SLC22A4: variants seen among roughly 807,000 people sequenced by gnomAD.
SLC22A4 encodes ET transporter.
A neutral mutation model predicts 56.6 loss-of-function variants in SLC22A4; 39 were observed. That is an observed-to-expected ratio of 0.69 (90% CI 0.53 to 0.90). The LOEUF is 0.90. SLC22A4 is among the 40% of genes least tolerant of loss of function. SLC22A4 has a pLI of 0.00. For missense variants in SLC22A4, 594 were observed against 696.5 expected (o/e 0.85, Z 1.66); for synonymous variants, 241 against 281.4 (o/e 0.86, Z 1.44).
Position 132,303,752 on chromosome 5 carries a change from G to A in SLC22A4, c.394-8409G>A, listed in dbSNP as rs114915804. On this transcript the variant is annotated intron_variant, in intron 1 of 9. Transcript: ENST00000200652. ...TGCCCTTATCCCAGCTCATTCATAC[G>A]GCAGAGATTCCACACCAAGCTCCCA... is the stretch of plus-strand genomic sequence containing the variant. Among the ~76,000 whole-genome samples the A allele has an allele frequency of 8.6e-3, 1,306 of 152,206 alleles. 14 individuals carry two copies. Among genetic ancestry groups the A allele is most frequent in the African/African-American group, 0.03 (1,231 of 41,500 alleles).
At chr5:132,312,391 T>C (rs1750207808) in intron 2 of SLC22A4, 127 bp downstream of exon 2, 1 of 726,850 alleles carries the variant, frequency 1.4e-6, no homozygotes, top group South Asian at 1.5e-5. Flanking sequence ...ACTGATTCAG[T>C]GATAGGAGGA....
At chr5:132,340,075 T>G (rs956429535) in intron 8 of SLC22A4, among the ~76,000 whole-genome samples, 2 of 147,638 alleles carry the variant, frequency 1.4e-5, no homozygotes, top group South Asian at 2.2e-4. Flanking sequence ...TTTTTTTTTT[T>G]TTTTTTTTTT....
chr5:132,326,935 T>C (rs989013213), intron 4 of SLC22A4, among the ~76,000 whole-genome samples: 5 of 152,232 alleles, frequency 3.3e-5, no homozygotes, highest in African/African-American at 4.8e-5. Context: ...GGGGAACTTA[T>C]AGTCTAGTAG....
At position 132,334,869 on chromosome 5, in the gene SLC22A4, A is replaced by G. The variant is rs1333758833; in HGVS notation, c.1198A>G (p.Ile400Val). 1 of 1,613,994 alleles carries G rather than the reference A, an allele frequency of 6.2e-7. No homozygotes were observed. The highest frequency in any genetic ancestry group is 8.5e-7 in the Non-Finnish European group (1 of 1,179,856). Residue 400 changes from isoleucine to valine, a missense_variant, in exon 7 of 10, where the codon ATC (isoleucine) becomes GTC (valine). By Grantham distance (29) the Ile-to-Val change is conservative. Transcript: ENST00000200652. ...LLLRTLPRRY[I>V]IAAVLFWGGG... is the part of the protein sequence containing the mutation. ...ATTGCGAACCCTGCCCAGGCGTTAT[A>G]TCATAGCTGCAGTACTGTTCTGGGG...
Position 132,331,769 on chromosome 5 carries a change from T to G in SLC22A4, c.965T>G (p.Leu322Arg), listed in dbSNP as rs72552719. 6.2e-7 allele frequency: 1 copy of G among 1,613,188 alleles called. No individual in the cohort carries two copies. Among genetic ancestry groups the G allele is most frequent in the East Asian group, 2.2e-5 (1 of 44,874 alleles). ...IFDSVEELNP[L>R]KQQKAFILDL... ...TTTTGGTTACAGGAGCTAAATCCCCTGAAGCAGCAGAAAGCTTTCATTCTG... is the reference window on the plus strand; with the variant it reads ...TTTTGGTTACAGGAGCTAAATCCCCGGAAGCAGCAGAAAGCTTTCATTCTG... The change falls in exon 6 of 10, where the codon CTG becomes CGG. Residue 322 changes from leucine to arginine, a missense_variant. Physicochemically the swap from Leu to Arg is moderately radical, Grantham distance 102. Coordinates refer to ENST00000200652, the MANE Select transcript of SLC22A4 (RefSeq NM_003059.3).
intron 4 of SLC22A4, among the ~76,000 whole-genome samples, chr5:132,323,437 C>A (rs1750600071): frequency 6.6e-6 from 1 of 152,178 alleles, no homozygotes; most frequent in Admixed American, 6.6e-5. Context: ...ACTCTAAGCC[C>A]CTGTATTCTC....
rs1749764227 is a variant in SLC22A4, at chr5:132,295,693, G to C, written c.393+684G>C. On this transcript the variant is annotated intron_variant, in intron 1 of 9. Transcript: ENST00000200652. ...TAGTGGCAGGTTTTCTAAGTTCCAGGAATGAGGATGCACACACACTTCTCC... is the reference window on the plus strand; with the variant it reads ...TAGTGGCAGGTTTTCTAAGTTCCAGCAATGAGGATGCACACACACTTCTCC... The C allele has an allele frequency of 2.0e-5, 4 of 197,044 alleles. No individual in the cohort carries two copies. The South Asian group carries it at 3.3e-4, about 16-fold the overall frequency. The allele number at this position is 197,044 out of a possible 1,614,324, so 12.2% of individuals were successfully genotyped here.
intron 1 of SLC22A4, among the ~76,000 whole-genome samples, chr5:132,302,813 C>G (rs1361492866): frequency 6.6e-6 from 1 of 152,194 alleles, no homozygotes; most frequent in African/African-American, 2.4e-5. Flanking sequence ...CACTCCCATC[C>G]CTATCTTCCC....
At position 132,313,639 on chromosome 5, in the gene SLC22A4, G is replaced by T. The variant is rs144031153; in HGVS notation, c.523G>T (p.Ala175Ser). The change falls in exon 3 of 10, where the codon GCA becomes TCA. Residue 175 changes from alanine to serine, a missense_variant. By Grantham distance (99) the Ala-to-Ser change is moderately conservative. Coordinates refer to ENST00000200652, the MANE Select transcript of SLC22A4 (RefSeq NM_003059.3). The part of the protein sequence containing the change: ...DRFGRKNVLF[A>S]TMAVQTGFSF... ...GTTTGGCAGGAAGAACGTTCTCTTC[G>T]CAACCATGGCTGTACAGACTGGCTT... 7 of 1,614,194 alleles carry T rather than the reference G, an allele frequency of 4.3e-6. No homozygotes were observed. Among genetic ancestry groups the T allele is most frequent in the East Asian group, 2.2e-5 (1 of 44,890 alleles).
At chr5:132,306,665 T>C (rs2126705403) in intron 1 of SLC22A4, among the ~76,000 whole-genome samples, 1 of 151,622 alleles carries the variant, frequency 6.6e-6, no homozygotes, top group Non-Finnish European at 1.5e-5. Context: ...AGGCTGGTCT[T>C]GAACTCCTGA....
At chr5:132,340,840 G>A (rs1338374380) in intron 9 of SLC22A4, 140 bp downstream of exon 9, 16 of 920,754 alleles carry the variant, frequency 1.7e-5, no homozygotes, top group African/African-American at 1.5e-4. Context: ...TGTTGGCTGG[G>A]CACAGTGGCT....
chr5:132,334,053 C>T (rs1750944924), intron 6 of SLC22A4, among the ~76,000 whole-genome samples: 1 of 152,218 alleles, frequency 6.6e-6, no homozygotes, highest in African/African-American at 2.4e-5. Flanking sequence ...AGGTGATTTG[C>T]CTGCCTCGGT....
chr5:132,333,837 G>A (rs965171566), intron 6 of SLC22A4, among the ~76,000 whole-genome samples: 29 of 151,742 alleles, frequency 1.9e-4, no homozygotes, highest in Middle Eastern at 6.8e-3. Flanking sequence ...ATAGAGTTTC[G>A]CTCTGTCACC....
chr5:132,325,213 A>G (rs1021452004), intron 4 of SLC22A4, among the ~76,000 whole-genome samples: 2 of 152,246 alleles, frequency 1.3e-5, no homozygotes, highest in African/African-American at 4.8e-5. Context: ...GGCCCCATCC[A>G]TGAGGTATAT....
At chr5:132,339,749 C>A (rs1013486253) in intron 8 of SLC22A4, among the ~76,000 whole-genome samples, 1 of 152,162 alleles carries the variant, frequency 6.6e-6, no homozygotes, top group Non-Finnish European at 1.5e-5. Context: ...GTCTCCTACT[C>A]CACACAGCTA....
chr5:132,314,560 T>TGG (rs1452646595), intron 3 of SLC22A4, among the ~76,000 whole-genome samples: 1 of 152,118 alleles, frequency 6.6e-6, no homozygotes, highest in Non-Finnish European at 1.5e-5. Flanking sequence ...ATCTCTAGGG[T>TGG]GATAATATAT....
intron 5 of SLC22A4, 115 bp downstream of exon 5, chr5:132,327,518 C>T: frequency 1.2e-6 from 1 of 812,170 alleles, no homozygotes; most frequent in Non-Finnish European, 2.1e-6. Context: ...TTGCACTAGG[C>T]CTTAGGAACA....
At chr5:132,321,801 G>A (rs949559271) in intron 3 of SLC22A4, among the ~76,000 whole-genome samples, 1 of 152,054 alleles carries the variant, frequency 6.6e-6, no homozygotes, top group African/African-American at 2.4e-5. Flanking sequence ...CCAGCTGTTC[G>A]GAAGGCTGAA....
chr5:132,334,393 G>T (rs1750955598), intron 6 of SLC22A4, among the ~76,000 whole-genome samples: 1 of 152,178 alleles, frequency 6.6e-6, no homozygotes, highest in Admixed American at 6.5e-5. Flanking sequence ...AAATCAACTA[G>T]CTGAGAAAAG....
Sources: gnomAD v4.1 joint callset for allele counts (sites outside exome capture counted in the v4.1 genomes callset) on GRCh38, gnomAD v4.1.1 for gene constraint, MANE v1.5 for transcripts, NCBI Gene and HGNC (gene_info 2026-07-23, HGNC 2026-07-21) for gene names.